The following CEP128 variants were observed in gnomAD, a reference collection of about 807,000 sequenced individuals.
CEP128 encodes the protein centrosomal protein 128kDa.
CEP128 carries 132 observed loss-of-function variants against 156.7 expected under a neutral mutation model. The observed-to-expected ratio is 0.84, with a 90% confidence interval of 0.73 to 0.97. The LOEUF is 0.97. Ranked by LOEUF, CEP128 falls within the 50% of genes least tolerant of loss-of-function variation. The pLI is 0.00. For missense variants in CEP128, 1,252 were observed against 1,281.9 expected (o/e 0.98, Z 0.36); for synonymous variants, 469 against 448.9 (o/e 1.04, Z -0.57).
downstream of CEP128, among the ~76,000 whole-genome samples, chr14:80,485,883 T>C (rs1396569877): frequency 6.6e-6 from 1 of 152,190 alleles, no homozygotes; most frequent in Non-Finnish European, 1.5e-5. Context: ...TGCATGTGTA[T>C]ATTCATGTAG....
chr14:80,523,199 G>T (rs893599492), intron 23 of CEP128, among the ~76,000 whole-genome samples: 1 of 152,208 alleles, frequency 6.6e-6, no homozygotes, highest in Non-Finnish European at 1.5e-5. Flanking sequence ...AACATGGTCT[G>T]CTATTCCAAC....
intron 7 of CEP128, among the ~76,000 whole-genome samples, chr14:80,896,413 C>A (rs1447113826): frequency 6.6e-6 from 1 of 152,134 alleles, no homozygotes; most frequent in Non-Finnish European, 1.5e-5. Context: ...ACAACCATTT[C>A]CATTATTAAT....
chr14:80,690,414 C>CT (rs1896680681), intron 19 of CEP128, among the ~76,000 whole-genome samples: 1 of 147,090 alleles, frequency 6.8e-6, no homozygotes, highest in Admixed American at 6.7e-5. Context: ...GAAACTCCAT[C>CT]TCAAAAAAAA....
chr14:80,709,822 C>G (rs993870069), intron 19 of CEP128, among the ~76,000 whole-genome samples: 1 of 151,900 alleles, frequency 6.6e-6, no homozygotes, highest in African/African-American at 2.4e-5. Flanking sequence ...ATGGGGTCTT[C>G]TTTTGCATAT....
chr14:80,678,431 C>T (rs1192186645), intron 19 of CEP128, among the ~76,000 whole-genome samples: 1 of 151,882 alleles, frequency 6.6e-6, no homozygotes, highest in Admixed American at 6.6e-5. Flanking sequence ...GTTTTCTCCC[C>T]CCACAAAATG....
chr14:80,498,484 C>T (rs1046064250), intron 24 of CEP128, among the ~76,000 whole-genome samples: 9 of 152,230 alleles, frequency 5.9e-5, no homozygotes, highest in African/African-American at 2.2e-4. Context: ...CACCCTCTCA[C>T]TCACTCGCTC....
At chr14:80,653,657 C>T (rs1355041589) in intron 19 of CEP128, among the ~76,000 whole-genome samples, 3 of 152,100 alleles carry the variant, frequency 2.0e-5, no homozygotes, top group Admixed American at 2.0e-4. Flanking sequence ...TAAGTTGAAG[C>T]CAGTGCTTAT....
intron 6 of CEP128, among the ~76,000 whole-genome samples, chr14:80,903,420 C>T (rs778797223): frequency 1.8e-4 from 27 of 152,154 alleles, no homozygotes; most frequent in Middle Eastern, 3.4e-3. Context: ...AGGCAAAAAG[C>T]TCCATGACTT....
At chr14:80,906,389 C>A (rs1174925478) in intron 4 of CEP128, among the ~76,000 whole-genome samples, 5 of 152,150 alleles carry the variant, frequency 3.3e-5, no homozygotes, top group Non-Finnish European at 5.9e-5. Context: ...CTAATTGGTG[C>A]ACCACTCATG....
intron 19 of CEP128, among the ~76,000 whole-genome samples, chr14:80,599,338 T>A (rs951848200): frequency 4.7e-5 from 7 of 148,692 alleles, no homozygotes; most frequent in Admixed American, 4.1e-4. Flanking sequence ...AGCGGCTTGA[T>A]CTCGGCTCAC....
chr14:80,636,219 C>T (rs368705661), intron 19 of CEP128, among the ~76,000 whole-genome samples: 1 of 152,122 alleles, frequency 6.6e-6, no homozygotes, highest in African/African-American at 2.4e-5. Context: ...TGACTATTTG[C>T]TAAATAGTTG....
chr14:80,518,639 T>C (rs550354912), intron 23 of CEP128, among the ~76,000 whole-genome samples: 1 of 152,198 alleles, frequency 6.6e-6, no homozygotes, highest in South Asian at 2.1e-4. Context: ...TTCATATATT[T>C]TGACACTGTT....
At chr14:80,661,056 AC>A (rs1239714968) in intron 19 of CEP128, among the ~76,000 whole-genome samples, 1 of 152,206 alleles carries the variant, frequency 6.6e-6, no homozygotes, top group Non-Finnish European at 1.5e-5. Flanking sequence ...CTACATAGTA[AC>A]CCAGCGTCAC....
At chr14:80,805,514 C>T (rs750441370) in intron 13 of CEP128, among the ~76,000 whole-genome samples, 9 of 152,112 alleles carry the variant, frequency 5.9e-5, no homozygotes, top group Admixed American at 5.9e-4. Context: ...TAACCCCTAA[C>T]TGATATTATA....
chr14:80,604,006 A>T (rs1421358326), intron 19 of CEP128, among the ~76,000 whole-genome samples: 1 of 152,228 alleles, frequency 6.6e-6, no homozygotes, highest in Non-Finnish European at 1.5e-5. Context: ...TGAATGTTAC[A>T]GGTAAAAACA....
chr14:80,509,171 C>A (rs959367644), intron 23 of CEP128, among the ~76,000 whole-genome samples: 2 of 152,150 alleles, frequency 1.3e-5, no homozygotes, highest in African/African-American at 2.4e-5. Context: ...AAGTGAGATA[C>A]CTAGCTGGAT....
rs1030301927 is a variant in CEP128, at chr14:80,940,169, G to GA, written c.-171-630dup. 1.5e-3 allele frequency among the ~76,000 whole-genome samples: 213 copies of GA among 146,418 alleles called. 1 individual carries two copies. The highest frequency in any genetic ancestry group is 4.0e-3 in the African/African-American group (160 of 39,560). The stretch of plus-strand genomic sequence containing the variant: ...GGAATACATCTATAAACCATTTCAA[G>GA]AAAAAAAAAAGGTATTCTGAAAAAG... On this transcript the variant is annotated intron_variant, in intron 1 of 24. Transcript: ENST00000555265.
chr14:80,489,765 G>T (rs1387113742), downstream of CEP128, among the ~76,000 whole-genome samples: 1 of 152,060 alleles, frequency 6.6e-6, no homozygotes, highest in Non-Finnish European at 1.5e-5. Flanking sequence ...ATCAGAGCGG[G>T]GTGTGACATC....
intron 19 of CEP128, among the ~76,000 whole-genome samples, chr14:80,726,598 G>C (rs1309906230): frequency 2.0e-5 from 3 of 152,180 alleles, no homozygotes; most frequent in African/African-American, 4.8e-5. Context: ...GACACTAACA[G>C]GTAGTCTTTG....
Sources: allele counts gnomAD v4.1 joint callset (sites outside exome capture counted in the v4.1 genomes callset), GRCh38; gene constraint gnomAD v4.1.1; transcripts MANE v1.5; gene names NCBI Gene and HGNC (gene_info 2026-07-23, HGNC 2026-07-21).